Variants in FGD6 observed in about 807,000 individuals in gnomAD.
FGD6 encodes FYVE, RhoGEF and PH domain-containing protein 6.
Under a neutral mutation model 149.4 loss-of-function variants are expected in FGD6, and 90 were observed. The observed-to-expected ratio is 0.60, with a 90% CI of 0.51 to 0.72. FGD6 has a LOEUF of 0.72. Ranked by LOEUF, FGD6 falls within the 30% of genes least tolerant of loss-of-function variation. The pLI is 0.00. For missense variants in FGD6, 1,437 were observed against 1,684.8 expected, an observed-to-expected ratio of 0.85 and a Z score of 2.57; for synonymous variants, 527 against 584.0, an observed-to-expected ratio of 0.90 and a Z score of 1.41.
rs1454228915 is a variant in FGD6 at position 95,217,346 on chromosome 12, C to G, written c.-106G>C. ...TAGGAGAGAAAAGCCCCCGCAGCGC[C>G]CACATTCCGTCCCGCCGCCCCGCGG... On this transcript the variant is annotated 5_prime_UTR_variant, in exon 1 of 21. Transcript: ENST00000343958. 2.1e-6 allele frequency: 3 copies of G among 1,401,196 alleles called. No individual in the cohort carries two copies. Among genetic ancestry groups the G allele is most frequent in the Non-Finnish European group, 2.8e-6 (3 of 1,059,006 alleles). 86.8% of individuals were successfully genotyped at this position (1,401,196 alleles called of 1,614,324 possible).
Position 95,084,589 on chromosome 12 carries a change from C to A in FGD6, c.4165G>T (p.Asp1389Tyr), listed in dbSNP as rs753595904. 6.2e-7 allele frequency: 1 copy of A among 1,608,474 alleles called. No homozygotes were observed. The highest frequency in any genetic ancestry group is 8.5e-7 in the Non-Finnish European group (1 of 1,178,246). ...AATACTTTAGACTCGGAATTCTCATCTTTAACTTGAATAACAGTGAATCCT... is the reference window on the plus strand; with the variant it reads ...AATACTTTAGACTCGGAATTCTCATATTTAACTTGAATAACAGTGAATCCT... ...LLGFTVIQVKDENSESKVFQL... is the reference protein window; with the variant it reads ...LLGFTVIQVKYENSESKVFQL... Residue 1389 changes from aspartate to tyrosine, a missense_variant, in exon 20 of 21, where the codon GAT (aspartate) becomes TAT (tyrosine). Around this residue, in one of 2 missense-constraint regions of FGD6, gnomAD observed 382 missense variants for 538.7 expected, o/e 0.71. Coordinates refer to ENST00000343958, the MANE Select transcript of FGD6 (RefSeq NM_018351.4).
Position 95,211,112 on chromosome 12 carries a change from C to T in FGD6, c.172G>A (p.Val58Ile), listed in dbSNP as rs2136304787. 1.2e-6 allele frequency: 2 copies of T among 1,614,176 alleles called. No homozygotes were observed. The highest frequency in any genetic ancestry group is 8.5e-7 in the Non-Finnish European group (1 of 1,180,036). ...TCTCGAACAGGTGAGGTCTTCAGGACTTTTGGTTTTGGGGCTATTGCTGGT... is the reference window on the plus strand; with the variant it reads ...TCTCGAACAGGTGAGGTCTTCAGGATTTTTGGTTTTGGGGCTATTGCTGGT... The part of the protein sequence containing the change: ...MKPAIAPKPK[V>I]LKTSPVREIG... The change falls in exon 2 of 21, where the codon GTC (valine) becomes ATC (isoleucine). Residue 58 changes from valine (V) to isoleucine (I), a missense_variant. Coordinates refer to ENST00000343958, the MANE Select transcript of FGD6 (RefSeq NM_018351.4).
intron 1 of FGD6, among the ~76,000 whole-genome samples, chr12:95,216,400 C>T (rs1321286065): frequency 6.6e-6 from 1 of 152,170 alleles, no homozygotes; most frequent in African/African-American, 2.4e-5. Context: ...TAACACTCTA[C>T]TTAATACATA....
At chr12:95,106,012 AAAAACAAAAC>A (rs1227958885) in intron 13 of FGD6, among the ~76,000 whole-genome samples, 1 of 152,192 alleles carries the variant, frequency 6.6e-6, no homozygotes, top group Non-Finnish European at 1.5e-5. Flanking sequence ...TCTGTCACAA[AAAAACAAAAC>A]AAAACAAAAC....
At chr12:95,134,671 T>C (rs1410080485) in intron 8 of FGD6, 68 bp downstream of exon 8, 4 of 1,428,462 alleles carry the variant, frequency 2.8e-6, no homozygotes, top group Admixed American at 3.7e-5. Flanking sequence ...CCGAGTTTCA[T>C]AAAGGCAAGA....
intron 3 of FGD6, among the ~76,000 whole-genome samples, chr12:95,167,572 T>G (rs942260412): frequency 8.4e-6 from 1 of 118,686 alleles, no homozygotes; most frequent in African/African-American, 3.4e-5. Context: ...TTTTTACTGT[T>G]TGAGGTTTTT....
At chr12:95,137,732 A>T in intron 6 of FGD6, 54 bp from the exon 7 acceptor site, 1 of 1,301,674 alleles carries the variant, frequency 7.7e-7, no homozygotes, top group South Asian at 1.7e-5. Flanking sequence ...TGATGAACAT[A>T]TGCAATGATA....
chr12:95,159,069 T>A (rs1880563260), intron 3 of FGD6, among the ~76,000 whole-genome samples: 1 of 152,184 alleles, frequency 6.6e-6, no homozygotes, highest in Admixed American at 6.5e-5. Context: ...AGCATTTGAC[T>A]ACTGGAGTCA....
intron 2 of FGD6, among the ~76,000 whole-genome samples, chr12:95,197,795 T>C (rs1294818375): frequency 6.6e-6 from 1 of 152,158 alleles, no homozygotes; most frequent in Non-Finnish European, 1.5e-5. Flanking sequence ...TGCATAATCC[T>C]TTCCATGCCA....
chr12:95,158,849 A>G (rs1214338904), intron 3 of FGD6, among the ~76,000 whole-genome samples: 1 of 151,228 alleles, frequency 6.6e-6, no homozygotes, highest in East Asian at 1.9e-4. Context: ...TAATGAGACC[A>G]TGTCGTTAGT....
At chr12:95,089,064 A>G (rs548951872) in intron 18 of FGD6, among the ~76,000 whole-genome samples, 15 of 152,342 alleles carry the variant, frequency 9.8e-5, no homozygotes, top group African/African-American at 3.6e-4. Flanking sequence ...GGATATCAAC[A>G]AAGTCTGTGG....
chr12:95,094,204 A>AT (rs1245805382), intron 15 of FGD6, among the ~76,000 whole-genome samples: 1 of 151,996 alleles, frequency 6.6e-6, no homozygotes, highest in East Asian at 1.9e-4. Context: ...GGGCTATTAT[A>AT]TTTTTCACGT....
At chr12:95,089,543 A>C in intron 18 of FGD6, 26 bp downstream of exon 18, 3 of 1,610,716 alleles carry the variant, frequency 1.9e-6, no homozygotes, top group Non-Finnish European at 2.5e-6. Flanking sequence ...CCTCTATCAC[A>C]TTGCAAATTT....
chr12:95,148,064 T>C (rs989684798), intron 5 of FGD6, among the ~76,000 whole-genome samples: 5 of 151,968 alleles, frequency 3.3e-5, no homozygotes, highest in African/African-American at 7.3e-5. Flanking sequence ...CTTCATTCAG[T>C]GAAGAACAGT....
At chr12:95,196,639 T>A (rs1163012969) in intron 2 of FGD6, among the ~76,000 whole-genome samples, 1 of 149,768 alleles carries the variant, frequency 6.7e-6, no homozygotes, top group Non-Finnish European at 1.5e-5. Context: ...CATGCCAATT[T>A]TTTTCTTTTT....
intron 2 of FGD6, among the ~76,000 whole-genome samples, chr12:95,177,856 T>G (rs1323946772): frequency 6.6e-6 from 1 of 152,158 alleles, no homozygotes; most frequent in African/African-American, 2.4e-5. Flanking sequence ...CTTATAGGAC[T>G]GCAGATTCCA....
chr12:95,098,198 T>C (rs57938738), intron 14 of FGD6, among the ~76,000 whole-genome samples: 15,476 of 152,172 alleles, frequency 0.1, 1,134 homozygotes, highest in African/African-American at 0.2. Context: ...CCTAAAGCTG[T>C]TCCTCTCCCA....
chr12:95,208,198 G>A (rs551367652), intron 2 of FGD6, among the ~76,000 whole-genome samples: 1 of 151,976 alleles, frequency 6.6e-6, no homozygotes, highest in Non-Finnish European at 1.5e-5. Context: ...GCTGCAGTAA[G>A]CCATGATCAT....
intron 2 of FGD6, among the ~76,000 whole-genome samples, chr12:95,181,356 C>T (rs1276455246): frequency 1.3e-5 from 2 of 152,112 alleles, no homozygotes; most frequent in African/African-American, 2.4e-5. Flanking sequence ...GTTCCTGGTC[C>T]TATCTTAATG....
Sources: allele counts gnomAD v4.1 joint callset (sites outside exome capture counted in the v4.1 genomes callset), GRCh38; gene constraint gnomAD v4.1.1; regional missense constraint gnomAD v4.1.1; transcripts MANE v1.5; gene names NCBI Gene and HGNC (gene_info 2026-07-23, HGNC 2026-07-21).